Variants in ZFP62 observed in about 807,000 individuals in gnomAD.
The protein encoded by ZFP62 is ZFP62 zinc finger protein.
A neutral mutation model predicts 56.4 loss-of-function variants in ZFP62; 44 were observed. The observed-to-expected ratio is 0.78, with a 90% confidence interval of 0.61 to 1.00. The LOEUF (loss-of-function observed/expected upper bound fraction) is 1.00, where lower values mean the gene tolerates loss of function less well. Among genes scored for constraint, ZFP62 ranks in the 50% least tolerant of loss-of-function variants. The pLI, the probability that ZFP62 is intolerant of heterozygous loss-of-function variation, is 0.00. For synonymous variants in ZFP62, 421 were observed against 388.9 expected (o/e 1.08, Z -0.97); for missense variants, 1,030 against 1,085.7 (o/e 0.95, Z 0.72).
chr5:180,859,843 G>GC (rs1581979230), intron 1 of ZFP62, among the ~76,000 whole-genome samples: 1 of 152,208 alleles, frequency 6.6e-6, no homozygotes, highest in East Asian at 1.9e-4. Context: ...GCCAATAACT[G>GC]GTTGAGTTAA....
downstream of ZFP62, among the ~76,000 whole-genome samples, chr5:180,844,558 A>G (rs960628746): frequency 6.6e-6 from 1 of 152,182 alleles, no homozygotes. Context: ...CAGGGGAAAC[A>G]AGATGTGTAC....
the ZFP62 span, among the ~76,000 whole-genome samples, chr5:180,836,337 T>TAG: frequency 2.0e-5 from 3 of 152,272 alleles, no homozygotes; most frequent in Admixed American, 2.0e-4. Context: ...CTGAAGGCTC[T>TAG]AGAGGCAAAT....
chr5:180,848,957 A>AC lies in ZFP62; in HGVS notation c.2537dup (p.Lys847Ter). The AC allele has an allele frequency of 5.2e-6, 8 of 1,551,770 alleles. No individual in the cohort carries two copies. Among genetic ancestry groups the AC allele is most frequent in the Non-Finnish European group, 7.0e-6 (8 of 1,146,994 alleles). On this transcript the variant is annotated frameshift_variant, in exon 2 of 2. Transcript: ENST00000502412. LOFTEE classifies it high-confidence loss of function. ...GATTTGATCTGATATTAAAAGCCTT[A>AC]CCACACTCATTACATCGGTATGGCT...
At chr5:180,842,636 A>G (rs1243310108), downstream of ZFP62, among the ~76,000 whole-genome samples, 1 of 152,236 alleles carries the variant, frequency 6.6e-6, no homozygotes, top group African/African-American at 2.4e-5. Flanking sequence ...TTTTTAGGCA[A>G]ATAAAAATTG....
At chr5:180,831,869 A>G in the ZFP62 span, 1 of 152,550 alleles carries the variant, frequency 6.6e-6, no homozygotes, top group Non-Finnish European at 1.5e-5. Flanking sequence ...TGCTGGCCTA[A>G]CCCCTGCTCG....
At chr5:180,846,307 C>T (rs1773409963), downstream of ZFP62, among the ~76,000 whole-genome samples, 1 of 152,190 alleles carries the variant, frequency 6.6e-6, no homozygotes. Context: ...TGAGCTGTGG[C>T]CATCCTCTCC....
At chr5:180,853,778 T>C (rs973802504) in intron 1 of ZFP62, among the ~76,000 whole-genome samples, 3 of 152,242 alleles carry the variant, frequency 2.0e-5, no homozygotes, top group Non-Finnish European at 2.9e-5. Context: ...GCAGGTTTTC[T>C]GTAGAGGTAT....
chr5:180,829,946 TAAG>T, the ZFP62 span: 6 of 151,942 alleles, frequency 3.9e-5, no homozygotes, highest in Admixed American at 6.6e-5. Flanking sequence ...CCAAAGAAAA[TAAG>T]AATCTCAAGG....
intron 1 of ZFP62, among the ~76,000 whole-genome samples, chr5:180,851,830 C>T (rs1291723564): frequency 1.3e-5 from 2 of 152,112 alleles, no homozygotes; most frequent in African/African-American, 4.8e-5. Flanking sequence ...AACAATGTCA[C>T]CCAGTCATGG....
Position 180,849,842 on chromosome 5 carries a change from A to C in ZFP62, c.1653T>G (p.His551Gln). Residue 551 changes from histidine (H) to glutamine (Q), a missense_variant, in exon 2 of 2, where the codon CAT (histidine) becomes CAG (glutamine). By Grantham distance (24) the His-to-Gln change is conservative. Coordinates refer to ENST00000502412, the MANE Select transcript of ZFP62 (RefSeq NM_001172638.2). ...GTCGTTCCCCAGTGTGGATTCGTTTATGTACTTTAAGGCCAGAATTATTTC... is the reference window on the plus strand; with the variant it reads ...GTCGTTCCCCAGTGTGGATTCGTTTCTGTACTTTAAGGCCAGAATTATTTC... ...AFRNNSGLKV[H>Q]KRIHTGERPY... 1 of 1,551,790 alleles carries C rather than the reference A, an allele frequency of 6.4e-7. No homozygotes were observed.
intron 1 of ZFP62, among the ~76,000 whole-genome samples, chr5:180,857,256 A>T (rs574773702): frequency 6.6e-5 from 10 of 152,228 alleles, no homozygotes; most frequent in Non-Finnish European, 1.0e-4. Flanking sequence ...GGAGTTGGCA[A>T]ACATTTTCTG....
the ZFP62 span, among the ~76,000 whole-genome samples, chr5:180,827,107 C>G: frequency 2.6e-5 from 4 of 152,226 alleles, no homozygotes. Context: ...CAAAAAGACA[C>G]CAAACACACT....
chr5:180,853,116 T>A (rs1159183244), intron 1 of ZFP62, among the ~76,000 whole-genome samples: 2 of 152,186 alleles, frequency 1.3e-5, no homozygotes, highest in South Asian at 4.1e-4. Context: ...ATAAAAAACA[T>A]ACATGCACAG....
At chr5:180,829,017 T>G in the ZFP62 span, among the ~76,000 whole-genome samples, 1 of 152,202 alleles carries the variant, frequency 6.6e-6, no homozygotes, top group East Asian at 1.9e-4. Context: ...TTATTAGGAT[T>G]GGGAAACTCC....
chr5:180,852,503 G>A (rs536413844), intron 1 of ZFP62, among the ~76,000 whole-genome samples: 7 of 149,014 alleles, frequency 4.7e-5, no homozygotes, highest in Non-Finnish European at 1.0e-4. Flanking sequence ...GCAGTGAGCC[G>A]AGATCGTTCC....
chr5:180,839,027 TAAGTA>T, the ZFP62 span, among the ~76,000 whole-genome samples: 278 of 152,326 alleles, frequency 1.8e-3, 1 homozygote, highest in Non-Finnish European at 3.5e-3. Flanking sequence ...ATGAGGGGGT[TAAGTA>T]AAGTATGGTA....
the ZFP62 span, among the ~76,000 whole-genome samples, chr5:180,827,715 A>G: frequency 6.6e-6 from 1 of 152,194 alleles, no homozygotes; most frequent in Non-Finnish European, 1.5e-5. Context: ...GATTAGTATA[A>G]GAGGAAGGCA....
At chr5:180,838,556 T>G in the ZFP62 span, among the ~76,000 whole-genome samples, 3 of 152,180 alleles carry the variant, frequency 2.0e-5, no homozygotes, top group Non-Finnish European at 2.9e-5. Flanking sequence ...TTTTCATGGT[T>G]GTATGCTGAT....
rs1773618701 is a variant in ZFP62 at position 180,850,217 on chromosome 5, A to G, written c.1278T>C (p.Cys426=). ...PGKKAHECKE[C]GKSFSYNSLL... is the part of the protein sequence containing the mutation. ...GTGAGTTATAACTAAAGGATTTCCCACACTCCTTACATTCATGGGCTTTCT... is the reference window on the plus strand; with the variant it reads ...GTGAGTTATAACTAAAGGATTTCCCGCACTCCTTACATTCATGGGCTTTCT... Residue 426 remains cysteine, a synonymous_variant, in exon 2 of 2, where the codon TGT becomes TGC. Transcript: ENST00000502412. 1.9e-6 allele frequency: 3 copies of G among 1,552,874 alleles called. No individual in the cohort carries two copies. Among genetic ancestry groups the G allele is most frequent in the Non-Finnish European group, 1.7e-6 (2 of 1,147,700 alleles).
Sources: gnomAD v4.1 joint callset for allele counts (sites outside exome capture counted in the v4.1 genomes callset) on GRCh38, gnomAD v4.1.1 for gene constraint, MANE v1.5 for transcripts, NCBI Gene and HGNC (gene_info 2026-07-23, HGNC 2026-07-21) for gene names.